FBXL17: variants seen among roughly 807,000 people sequenced by gnomAD.
FBXL17 encodes F-box and leucine rich repeat protein 17.
A neutral mutation model predicts 66.2 loss-of-function variants in FBXL17; 22 were observed. The ratio of observed to expected loss-of-function variants is 0.33; its 90% CI spans 0.24 to 0.47. The LOEUF is 0.47. FBXL17 is among the 20% of genes least tolerant of loss of function. The probability of loss-of-function intolerance (pLI) is 1.00; values close to 1 mark genes in which losing one functional copy is unlikely to be tolerated. For synonymous variants in FBXL17, 474 were observed against 400.5 expected (o/e 1.18, Z -2.19); for missense variants, 878 against 948.2 (o/e 0.93, Z 0.97).
intron 4 of FBXL17, among the ~76,000 whole-genome samples, chr5:108,295,345 C>A (rs1161294272): frequency 6.6e-6 from 1 of 151,476 alleles, no homozygotes; most frequent in African/African-American, 2.4e-5. Flanking sequence ...GCATTTAATT[C>A]TCATATATTC....
chr5:108,111,606 C>G lies in FBXL17; in HGVS notation c.1745+74511G>C, dbSNP rs557064680. ...AGATCTAGTTACATGCTACATCCTG[C>G]AAACACAAAGTTTCTAAGACCTTCT... On this transcript the variant is annotated intron_variant, in intron 6 of 8. Transcript: ENST00000542267. 1.3e-4 allele frequency among the ~76,000 whole-genome samples: 20 copies of G among 152,292 alleles called. No homozygotes were observed. The South Asian group carries it at 4.1e-3, about 32-fold the overall frequency.
At chr5:108,182,409 T>C (rs907084616) in intron 6 of FBXL17, among the ~76,000 whole-genome samples, 1 of 152,186 alleles carries the variant, frequency 6.6e-6, no homozygotes, top group African/African-American at 2.4e-5. Context: ...CTTAGTAATA[T>C]GGCATGGCAA....
Position 108,381,007 on chromosome 5 carries a change from CGCCACCGCCGCCGCCGCCGCCGCCGCA to C in FBXL17, c.658_684del (p.Cys220_Gly228del). On this transcript the variant is annotated inframe_deletion, in exon 1 of 9. Transcript: ENST00000542267. ...GCGCCTCCCCCCGCAGGCCCTCCCC[CGCCACCGCCGCCGCCGCCGCCGCCGCA>C]GCCCCCGCCGCCGCAGCGGGGCTGC... 4 of 1,189,884 alleles carry C rather than the reference CGCCACCGCCGCCGCCGCCGCCGCCGCA, an allele frequency of 3.4e-6. No homozygotes were observed. The highest frequency in any genetic ancestry group is 4.2e-6 in the Non-Finnish European group (4 of 961,272). 73.7% of individuals were successfully genotyped at this position (1,189,884 alleles called of 1,614,324 possible). A position where few individuals can be genotyped will look rare whatever the true frequency, so the allele number is the denominator to read the frequency against.
chr5:108,238,111 C>T (rs940713335), intron 4 of FBXL17, among the ~76,000 whole-genome samples: 5 of 152,106 alleles, frequency 3.3e-5, no homozygotes, highest in African/African-American at 1.2e-4. Context: ...TTATTTGAAA[C>T]AGTAATACAA....
rs938656241 is a variant in FBXL17, at chr5:107,861,039, G to C, written c.*681C>G. ...ATGTATAATTAACTTTCGTGAGCTG[G>C]CCAGGAGAGTTCAGACTGTTGCCTC... is the stretch of plus-strand genomic sequence containing the variant. On this transcript the variant is annotated 3_prime_UTR_variant, in exon 9 of 9. Transcript: ENST00000542267. 1.3e-5 allele frequency: 2 copies of C among 152,168 alleles called. No homozygotes were observed. The allele number at this position is 152,168 out of a possible 1,614,324, so 9.4% of individuals were successfully genotyped here.
At chr5:107,981,168 TGAG>T (rs1196618237) in intron 7 of FBXL17, among the ~76,000 whole-genome samples, 2 of 150,296 alleles carry the variant, frequency 1.3e-5, no homozygotes, top group Non-Finnish European at 3.0e-5. Flanking sequence ...AAAGAGAGAG[TGAG>T]GAGGAGTTCA....
At position 107,861,070 on chromosome 5, in the gene FBXL17, A is replaced by G. The variant is rs576944235; in HGVS notation, c.*650T>C. The G allele has an allele frequency of 3.0e-4, 45 of 152,318 alleles. No individual in the cohort carries two copies. Among genetic ancestry groups the G allele is most frequent in the African/African-American group, 1.1e-3 (45 of 41,566 alleles). 9.4% of individuals were successfully genotyped at this position (152,318 alleles called of 1,614,324 possible). A position where few individuals can be genotyped will look rare whatever the true frequency, so the allele number is the denominator to read the frequency against. On this transcript the variant is annotated 3_prime_UTR_variant, in exon 9 of 9. Transcript: ENST00000542267. Reference sequence around the variant, plus strand: ...AGAGTTCAGACTGTTGCCTCTATATAACAAATTTAGAAAAGGCTTTATTCT... The same window carrying G: ...AGAGTTCAGACTGTTGCCTCTATATGACAAATTTAGAAAAGGCTTTATTCT...
At chr5:108,135,168 C>G (rs1222412060) in intron 6 of FBXL17, among the ~76,000 whole-genome samples, 1 of 152,086 alleles carries the variant, frequency 6.6e-6, no homozygotes, top group East Asian at 1.9e-4. Context: ...TGTGCTGACA[C>G]AGCTGGCCCA....
At chr5:108,348,349 C>T (rs199544187) in intron 4 of FBXL17, 50 bp downstream of exon 4, 39 of 1,452,260 alleles carry the variant, frequency 2.7e-5, no homozygotes, top group Non-Finnish European at 3.2e-5. Context: ...TGAAAGAATT[C>T]GAAGGTTAGG....
intron 7 of FBXL17, among the ~76,000 whole-genome samples, chr5:108,012,478 T>C (rs1461141398): frequency 3.3e-5 from 5 of 152,202 alleles, no homozygotes; most frequent in African/African-American, 1.2e-4. Context: ...GACATTGTTT[T>C]TTCATATGCA....
intron 6 of FBXL17, among the ~76,000 whole-genome samples, chr5:108,134,091 A>AT (rs1751041592): frequency 6.6e-6 from 1 of 152,108 alleles, no homozygotes; most frequent in Non-Finnish European, 1.5e-5. Context: ...ATCTAGCTTC[A>AT]TTTTTTCCAA....
chr5:107,908,987 T>A (rs1749856028), intron 7 of FBXL17, among the ~76,000 whole-genome samples: 1 of 152,162 alleles, frequency 6.6e-6, no homozygotes, highest in Non-Finnish European at 1.5e-5. Context: ...CAAGTGGCCG[T>A]CGTGATAGAT....
Position 108,380,771 on chromosome 5 carries a change from G to A in FBXL17, c.921C>T (p.Pro307=). The A allele has an allele frequency of 8.0e-7, 1 of 1,248,556 alleles. No individual in the cohort carries two copies. The allele number at this position is 1,248,556 out of a possible 1,614,324, so 77.3% of individuals were successfully genotyped here. The change falls in exon 1 of 9, where the codon CCC becomes CCT. Residue 307 remains proline, a synonymous_variant. Transcript: ENST00000542267. ...DADCRESPEN[P]CDCHREPPPE... ...GGGGCGGCTCCCTGTGACAGTCGCA[G>A]GGGTTTTCGGGGGACTCCCGACAGT... is the stretch of plus-strand genomic sequence containing the variant.
intron 7 of FBXL17, among the ~76,000 whole-genome samples, chr5:107,912,361 C>A (rs1372167873): frequency 6.6e-6 from 1 of 151,954 alleles, no homozygotes; most frequent in Non-Finnish European, 1.5e-5. Context: ...GCTCGCTGCA[C>A]CCAAAGAAGT....
intron 6 of FBXL17, among the ~76,000 whole-genome samples, chr5:108,140,310 T>C (rs576479422): frequency 1.3e-5 from 2 of 152,256 alleles, no homozygotes; most frequent in African/African-American, 4.8e-5. Context: ...CCTCTCAAAA[T>C]GTGGGATTAC....
At chr5:107,988,681 T>C (rs6889898) in intron 7 of FBXL17, among the ~76,000 whole-genome samples, 97,125 of 151,796 alleles carry the variant, frequency 0.64, 32,044 homozygotes, top group African/African-American at 0.82. Flanking sequence ...AACTCTTGCT[T>C]AAGTGAATTA....
intron 7 of FBXL17, among the ~76,000 whole-genome samples, chr5:107,939,637 A>G (rs1409312751): frequency 6.6e-6 from 1 of 152,154 alleles, no homozygotes; most frequent in African/African-American, 2.4e-5. Context: ...AGTACGGAGG[A>G]TCACCCTGTC....
chr5:107,868,449 G>C (rs1347965942), intron 8 of FBXL17, among the ~76,000 whole-genome samples: 1 of 152,226 alleles, frequency 6.6e-6, no homozygotes, highest in African/African-American at 2.4e-5. Flanking sequence ...GGTTGCATGA[G>C]ACTTTGAAGC....
intron 4 of FBXL17, among the ~76,000 whole-genome samples, chr5:108,238,636 C>T (rs1006380708): frequency 1.3e-5 from 2 of 152,092 alleles, no homozygotes; most frequent in African/African-American, 2.4e-5. Context: ...TCACCCTTTC[C>T]GGTAGCTTGG....
Sources: allele counts gnomAD v4.1 joint callset (sites outside exome capture counted in the v4.1 genomes callset), GRCh38; gene constraint gnomAD v4.1.1; transcripts MANE v1.5; gene names NCBI Gene and HGNC (gene_info 2026-07-23, HGNC 2026-07-21).